Variants in DACH2 observed in about 807,000 individuals in gnomAD.
DACH2 encodes dachshund homolog 2.
DACH2 carries 17 observed loss-of-function variants against 35.8 expected under a neutral mutation model. The ratio of observed to expected loss-of-function variants is 0.48; its 90% confidence interval spans 0.33 to 0.71. The LOEUF is 0.71. Among genes scored for constraint, DACH2 ranks in the 30% least tolerant of loss-of-function variants. The pLI, the probability that DACH2 is intolerant of heterozygous loss-of-function variation, is 0.02. For missense variants in DACH2, 469 were observed against 472.7 expected (o/e 0.99, Z 0.07); for synonymous variants, 195 against 177.3 (o/e 1.10, Z -0.79).
chrX:86,563,651 T>C (rs1260783916), intron 3 of DACH2, among the ~76,000 whole-genome samples: 1 of 110,500 alleles, frequency 9.0e-6, no homozygotes, highest in African/African-American at 3.3e-5. Context: ...AGAACACATG[T>C]AGTCATGTAA....
chrX:86,535,234 G>A (rs1377488178), intron 3 of DACH2, among the ~76,000 whole-genome samples: 1 of 111,783 alleles, frequency 8.9e-6, no homozygotes, highest in East Asian at 2.8e-4. Flanking sequence ...GCCTGAAAAT[G>A]AGAATTCAAA....
intron 1 of DACH2, among the ~76,000 whole-genome samples, chrX:86,176,779 A>G (rs936212478): frequency 2.7e-5 from 3 of 111,676 alleles, no homozygotes; most frequent in African/African-American, 9.7e-5. Context: ...TGAAAATAAC[A>G]TTTTCCAAAT....
intron 7 of DACH2, among the ~76,000 whole-genome samples, chrX:86,786,958 A>T (rs1272965766): frequency 9.0e-6 from 1 of 111,046 alleles, no homozygotes; most frequent in African/African-American, 3.3e-5. Flanking sequence ...TGATGGTTTT[A>T]TAAGGGGGAG....
chrX:86,193,750 G>A, intron 1 of DACH2, among the ~76,000 whole-genome samples: 1 of 110,493 alleles, frequency 9.1e-6, no homozygotes. Context: ...AACAGTAATT[G>A]CCCTTACCAA....
chrX:86,229,951 C>A (rs1040877749), intron 1 of DACH2, among the ~76,000 whole-genome samples: 4 of 110,463 alleles, frequency 3.6e-5, no homozygotes, highest in African/African-American at 1.3e-4. Context: ...GATTTGGATG[C>A]CCTTTATCTT....
intron 3 of DACH2, among the ~76,000 whole-genome samples, chrX:86,540,519 G>A (rs2038865488): frequency 8.9e-6 from 1 of 112,398 alleles, no homozygotes; most frequent in African/African-American, 3.2e-5. Context: ...GACAACATAT[G>A]TTTTGATCTC....
chrX:86,325,677 T>C (rs2035101150), intron 1 of DACH2, among the ~76,000 whole-genome samples: 1 of 112,601 alleles, frequency 8.9e-6, no homozygotes, highest in African/African-American at 3.2e-5. Flanking sequence ...GCATAATTTG[T>C]AAATGTGAAC....
At chrX:86,703,755 G>A (rs1312821154) in intron 5 of DACH2, among the ~76,000 whole-genome samples, 1 of 111,305 alleles carries the variant, frequency 9.0e-6, no homozygotes, top group Admixed American at 9.6e-5. Context: ...TCTAACCAAT[G>A]AGTCGAAAGA....
At chrX:86,302,186 C>G (rs1004123173) in intron 1 of DACH2, among the ~76,000 whole-genome samples, 6 of 110,718 alleles carry the variant, frequency 5.4e-5, no homozygotes, top group African/African-American at 2.0e-4. Flanking sequence ...CTTTGACTTC[C>G]TAACTTTGCA....
chrX:86,424,566 A>G (rs1296701496), intron 2 of DACH2, among the ~76,000 whole-genome samples: 2 of 111,742 alleles, frequency 1.8e-5, no homozygotes, highest in East Asian at 2.8e-4. Flanking sequence ...AAATCAGTTC[A>G]AATAGTTTTC....
At chrX:86,367,190 ATAGAT>A (rs1323610905) in intron 1 of DACH2, among the ~76,000 whole-genome samples, 1 of 97,941 alleles carries the variant, frequency 1.0e-5, no homozygotes, top group Non-Finnish European at 2.0e-5. Context: ...TTATTATAGT[ATAGAT>A]TATTGTAAAA....
chrX:86,355,185 C>T (rs2035622669), intron 1 of DACH2, among the ~76,000 whole-genome samples: 1 of 112,078 alleles, frequency 8.9e-6, no homozygotes, highest in Non-Finnish European at 1.9e-5. Context: ...CATTGATTTG[C>T]TTAGGATAAT....
intron 2 of DACH2, among the ~76,000 whole-genome samples, chrX:86,423,626 G>T (rs774994601): frequency 3.7e-5 from 4 of 108,655 alleles, no homozygotes; most frequent in Admixed American, 3.0e-4. Context: ...TGTCTTCATT[G>T]ATTGTTTCCT....
At chrX:86,198,467 G>T (rs561134919) in intron 1 of DACH2, among the ~76,000 whole-genome samples, 12 of 110,933 alleles carry the variant, frequency 1.1e-4, no homozygotes, top group Admixed American at 8.7e-4. Flanking sequence ...CCATTCAAAA[G>T]ATCAACATCT....
At chrX:86,320,494 A>T (rs767707671) in intron 1 of DACH2, among the ~76,000 whole-genome samples, 20 of 112,199 alleles carry the variant, frequency 1.8e-4, no homozygotes, top group Non-Finnish European at 3.4e-4. Context: ...TGGACTGCAG[A>T]TCCCTTTAGC....
chrX:86,579,980 G>A (rs988968809), intron 3 of DACH2, among the ~76,000 whole-genome samples: 1 of 111,511 alleles, frequency 9.0e-6, no homozygotes, highest in Non-Finnish European at 1.9e-5. Context: ...ACCCAGAGGA[G>A]TTCGGTGGCC....
intron 3 of DACH2, among the ~76,000 whole-genome samples, chrX:86,545,469 A>C (rs2038944728): frequency 8.9e-6 from 1 of 112,053 alleles, no homozygotes; most frequent in Non-Finnish European, 1.9e-5. Context: ...GTGATGAAAT[A>C]ATCTGTATAC....
intron 1 of DACH2, among the ~76,000 whole-genome samples, chrX:86,299,398 T>G (rs907327907): frequency 4.5e-5 from 5 of 111,735 alleles, no homozygotes; most frequent in African/African-American, 1.6e-4. Flanking sequence ...CAGTGACATG[T>G]GTATAATGGA....
intron 2 of DACH2, among the ~76,000 whole-genome samples, chrX:86,395,657 G>A (rs1488543902): frequency 4.5e-5 from 5 of 111,001 alleles, no homozygotes; most frequent in Non-Finnish European, 5.7e-5. Flanking sequence ...TTGTCCTTGC[G>A]ATAGTTTGCT....
Sources: allele counts gnomAD v4.1 joint callset (sites outside exome capture counted in the v4.1 genomes callset), GRCh38; gene constraint gnomAD v4.1.1; transcripts MANE v1.5; gene names NCBI Gene and HGNC (gene_info 2026-07-23, HGNC 2026-07-21).